The following SAMMSON variants were observed in gnomAD, a reference collection of about 807,000 sequenced individuals.
The protein encoded by SAMMSON is survival associated mitochondrial melanoma specific oncogenic non-coding RNA.
Position 70,319,209 on chromosome 3 carries a change from T to C in SAMMSON, n.739+27966T>C, listed in dbSNP as rs112783208. Among the ~76,000 whole-genome samples the C allele has an allele frequency of 1.7e-4, 26 of 152,200 alleles. 1 individual carries two copies. The highest frequency in any genetic ancestry group is 5.8e-4 in the African/African-American group (24 of 41,540). On this transcript the variant is annotated intron_variant and non_coding_transcript_variant, in intron 7 of 9. Coordinates refer to ENST00000642114, the Ensembl canonical transcript of SAMMSON. ...CCAGCCACTTCAACAACCCAAACTC[T>C]TGTCTTTGCTGCCTTAGCTCAGCAA...
At chr3:70,181,014 G>A (rs1701049499) in intron 4 of SAMMSON, among the ~76,000 whole-genome samples, 1 of 152,186 alleles carries the variant, frequency 6.6e-6, no homozygotes, top group Non-Finnish European at 1.5e-5. Flanking sequence ...CTTGCACGGG[G>A]TCAGATCTTC....
intron 2 of SAMMSON, among the ~76,000 whole-genome samples, chr3:70,403,873 A>T (rs995001033): frequency 6.6e-6 from 1 of 152,154 alleles, no homozygotes. Flanking sequence ...CTTATGTTTG[A>T]TAAAAAATCC....
chr3:70,255,624 G>T (rs1182698044), intron 6 of SAMMSON, among the ~76,000 whole-genome samples: 1 of 152,012 alleles, frequency 6.6e-6, no homozygotes, highest in Non-Finnish European at 1.5e-5. Context: ...ACCAAGCCTG[G>T]CTATTTTTTT....
At chr3:70,110,891 C>T (rs761619907) in intron 4 of SAMMSON, among the ~76,000 whole-genome samples, 7 of 152,060 alleles carry the variant, frequency 4.6e-5, no homozygotes, top group Admixed American at 2.0e-4. Flanking sequence ...GACACTTCTC[C>T]CAGGACACAA....
At chr3:70,097,237 A>G (rs2067326087) in intron 4 of SAMMSON, among the ~76,000 whole-genome samples, 1 of 152,234 alleles carries the variant, frequency 6.6e-6, no homozygotes, top group African/African-American at 2.4e-5. Context: ...GTTCAAACAG[A>G]GAAAAAACAA....
intron 7 of SAMMSON, among the ~76,000 whole-genome samples, chr3:70,339,763 G>A (rs1289978609): frequency 1.3e-5 from 2 of 152,174 alleles, no homozygotes; most frequent in Non-Finnish European, 2.9e-5. Flanking sequence ...AACAGGTGCT[G>A]GAGAGGATGT....
intron 6 of SAMMSON, among the ~76,000 whole-genome samples, chr3:70,257,022 T>G (rs753635686): frequency 6.6e-6 from 1 of 152,120 alleles, no homozygotes; most frequent in Non-Finnish European, 1.5e-5. Flanking sequence ...GGAGAGAATA[T>G]CATAATAATT....
chr3:70,041,431 C>A (rs904861382), intron 3 of SAMMSON, among the ~76,000 whole-genome samples: 1 of 151,948 alleles, frequency 6.6e-6, no homozygotes, highest in African/African-American at 2.4e-5. Flanking sequence ...AAATTGAGGC[C>A]TGTAAGAGGT....
At chr3:70,382,896 G>A (rs565245392) in intron 9 of SAMMSON, among the ~76,000 whole-genome samples, 1 of 152,158 alleles carries the variant, frequency 6.6e-6, no homozygotes, top group Admixed American at 6.6e-5. Flanking sequence ...ACTTTGAGAA[G>A]GGTTAGTTTA....
chr3:70,051,900 C>T (rs2067147967), intron 3 of SAMMSON, among the ~76,000 whole-genome samples: 1 of 151,944 alleles, frequency 6.6e-6, no homozygotes, highest in Admixed American at 6.6e-5. Context: ...GAGTTCAAGA[C>T]CAGGCTGGGC....
intron 4 of SAMMSON, among the ~76,000 whole-genome samples, chr3:70,129,631 C>G (rs1266613929): frequency 6.6e-6 from 1 of 152,078 alleles, no homozygotes; most frequent in Non-Finnish European, 1.5e-5. Context: ...TTCAATGATC[C>G]TGGGACTGCT....
intron 4 of SAMMSON, among the ~76,000 whole-genome samples, chr3:70,096,812 T>C (rs2067324553): frequency 6.6e-6 from 1 of 152,154 alleles, no homozygotes; most frequent in South Asian, 2.1e-4. Context: ...AGAATGTATG[T>C]CTAGAATAGC....
intron 1 of SAMMSON, among the ~76,000 whole-genome samples, chr3:70,005,009 T>A (rs1439479775): frequency 6.6e-6 from 1 of 152,202 alleles, no homozygotes; most frequent in Non-Finnish European, 1.5e-5. Context: ...GAGCCCGGGC[T>A]GGAGCCAGAA....
In SAMMSON at chr3:70,400,458, G is replaced by A. The variant is rs548805914; in HGVS notation, n.233+42134G>A. Among the ~76,000 whole-genome samples the A allele has an allele frequency of 2.6e-5, 4 of 152,230 alleles. No individual in the cohort carries two copies. In the East Asian group the frequency reaches 7.7e-4, roughly 29 times the overall value. On this transcript the variant is annotated intron_variant and non_coding_transcript_variant, in intron 2 of 3. Coordinates refer to the SAMMSON transcript ENST00000641053. ...CACCATGTGATCTCTGCACACATCT[G>A]CTCCCCTTCCACTTTCTGCCATGAG...
At chr3:70,081,116 T>G (rs958383141) in intron 4 of SAMMSON, among the ~76,000 whole-genome samples, 36 of 152,262 alleles carry the variant, frequency 2.4e-4, no homozygotes, top group Admixed American at 8.5e-4. Flanking sequence ...GTTGTTTTGT[T>G]TTTGTTTTTG....
At chr3:70,001,582 T>G (rs1378932906) in intron 1 of SAMMSON, among the ~76,000 whole-genome samples, 4 of 152,138 alleles carry the variant, frequency 2.6e-5, no homozygotes, top group Non-Finnish European at 5.9e-5. Context: ...CTTTTAACAG[T>G]ATGTAGAGGA....
chr3:70,324,169 A>G (rs536156965), intron 7 of SAMMSON, among the ~76,000 whole-genome samples: 1 of 103,846 alleles, frequency 9.6e-6, no homozygotes, highest in South Asian at 3.0e-4. Context: ...CTATCTATCT[A>G]TCTATCTATC....
chr3:70,310,883 T>C (rs1308696888), intron 7 of SAMMSON, among the ~76,000 whole-genome samples: 1 of 152,128 alleles, frequency 6.6e-6, no homozygotes, highest in Non-Finnish European at 1.5e-5. Flanking sequence ...CAAACTGGCA[T>C]TGAATCTCAG....
At chr3:70,134,760 G>A (rs1385615515) in intron 4 of SAMMSON, among the ~76,000 whole-genome samples, 1 of 151,674 alleles carries the variant, frequency 6.6e-6, no homozygotes, top group East Asian at 1.9e-4. Flanking sequence ...TATGTCTTTG[G>A]CCACCTATTT....
Sources: allele counts gnomAD v4.1 joint callset (sites outside exome capture counted in the v4.1 genomes callset), GRCh38; gene constraint gnomAD v4.1.1; transcripts MANE v1.5; gene names NCBI Gene and HGNC (gene_info 2026-07-23, HGNC 2026-07-21).